Variants in TSPAN9 observed in about 807,000 individuals in gnomAD.
TSPAN9 encodes the protein tetraspanin 9.
A neutral mutation model predicts 31.0 loss-of-function variants in TSPAN9; 16 were observed. That is an observed-to-expected ratio of 0.52 (90% CI 0.35 to 0.78). The LOEUF is 0.78. Among genes scored for constraint, TSPAN9 ranks in the 30% least tolerant of loss-of-function variants. TSPAN9 has a pLI of 0.01. For synonymous variants in TSPAN9, 145 were observed against 121.6 expected (o/e 1.19, Z -1.27); for missense variants, 272 against 312.5 (o/e 0.87, Z 0.98).
chr12:3,174,122 T>TG (rs1254166875), intron 2 of TSPAN9: 3 of 152,390 alleles, frequency 2.0e-5, no homozygotes, highest in African/African-American at 7.2e-5. Flanking sequence ...TTGCCCAAGC[T>TG]GGAGTGCAGT....
At chr12:3,270,486 C>T (rs1257139933) in intron 3 of TSPAN9, among the ~76,000 whole-genome samples, 1 of 152,250 alleles carries the variant, frequency 6.6e-6, no homozygotes, top group Non-Finnish European at 1.5e-5. Flanking sequence ...TCTCCCTGCT[C>T]CCAGGGCTAT....
intron 3 of TSPAN9, among the ~76,000 whole-genome samples, chr12:3,236,291 A>G (rs924184447): frequency 6.6e-6 from 1 of 152,174 alleles, no homozygotes; most frequent in African/African-American, 2.4e-5. Context: ...CAATAATTTA[A>G]TGTTAATTAC....
chr12:3,218,394 A>G (rs182358822), intron 3 of TSPAN9, among the ~76,000 whole-genome samples: 1 of 151,930 alleles, frequency 6.6e-6, no homozygotes, highest in African/African-American at 2.4e-5. Flanking sequence ...TAGATTTGAA[A>G]CCTCTTACTG....
At chr12:3,154,944 C>A (rs1284020650) in intron 2 of TSPAN9, among the ~76,000 whole-genome samples, 3 of 152,170 alleles carry the variant, frequency 2.0e-5, no homozygotes, top group Non-Finnish European at 4.4e-5. Context: ...CATGATCTAG[C>A]TAGGACAGAG....
intron 4 of TSPAN9, 147 bp downstream of exon 4, chr12:3,278,759 A>G (rs1037856567): frequency 5.1e-6 from 6 of 1,169,292 alleles, no homozygotes; most frequent in African/African-American, 1.6e-5. Context: ...AGGCTTGACC[A>G]CACCCCTCCT....
At chr12:3,125,512 G>A (rs2098326951) in intron 2 of TSPAN9, among the ~76,000 whole-genome samples, 1 of 152,092 alleles carries the variant, frequency 6.6e-6, no homozygotes, top group Non-Finnish European at 1.5e-5. Flanking sequence ...TTAAAAAATA[G>A]GTACTGTTCT....
chr12:3,200,261 A>C (rs183329241), intron 2 of TSPAN9: 1 of 152,072 alleles, frequency 6.6e-6, no homozygotes, highest in East Asian at 1.9e-4. Context: ...CCTCGCGCCC[A>C]TTGGTCGAAT....
intron 3 of TSPAN9, among the ~76,000 whole-genome samples, chr12:3,259,619 G>A (rs543409289): frequency 6.6e-6 from 1 of 152,348 alleles, no homozygotes; most frequent in African/African-American, 2.4e-5. Flanking sequence ...AGGAAAACTT[G>A]AAGGATAAGC....
At chr12:3,113,719 G>C (rs987105780) in intron 2 of TSPAN9, among the ~76,000 whole-genome samples, 1 of 152,188 alleles carries the variant, frequency 6.6e-6, no homozygotes, top group African/African-American at 2.4e-5. Context: ...GCCAGTTCGA[G>C]AGTGCCAGCT....
intron 3 of TSPAN9, among the ~76,000 whole-genome samples, chr12:3,234,578 G>A (rs1185502645): frequency 6.6e-6 from 1 of 152,152 alleles, no homozygotes; most frequent in African/African-American, 2.4e-5. Context: ...TGTATTTCTG[G>A]GAGGCTGAGA....
chr12:3,233,015 A>G (rs1053570595), intron 3 of TSPAN9, among the ~76,000 whole-genome samples: 2 of 152,094 alleles, frequency 1.3e-5, no homozygotes, highest in African/African-American at 4.8e-5. Context: ...CATACTCTCT[A>G]TTCCTTCTCA....
intron 3 of TSPAN9, among the ~76,000 whole-genome samples, chr12:3,247,870 C>T (rs921877980): frequency 6.6e-6 from 1 of 152,200 alleles, no homozygotes; most frequent in African/African-American, 2.4e-5. Context: ...GCTCCCCCAC[C>T]ATCCTGCAGA....
At chr12:3,126,495 T>A (rs1591638960) in intron 2 of TSPAN9, among the ~76,000 whole-genome samples, 2 of 152,212 alleles carry the variant, frequency 1.3e-5, no homozygotes, top group South Asian at 4.1e-4. Flanking sequence ...TGTGTACCTT[T>A]ACCGCACCTT....
At chr12:3,078,261 C>G (rs534497098) in intron 1 of TSPAN9, among the ~76,000 whole-genome samples, 1 of 152,154 alleles carries the variant, frequency 6.6e-6, no homozygotes, top group Non-Finnish European at 1.5e-5. Flanking sequence ...CCTGCCTTAC[C>G]TGGTAACTCT....
intron 2 of TSPAN9, among the ~76,000 whole-genome samples, chr12:3,121,533 CTTTTTTTTTTT>C (rs59376087): frequency 3.2e-5 from 3 of 92,926 alleles, no homozygotes; most frequent in Non-Finnish European, 5.9e-5. Context: ...CTAATTAAAA[CTTTTTTTTTTT>C]TTTTTTTTTT....
intron 2 of TSPAN9, among the ~76,000 whole-genome samples, chr12:3,106,679 G>A (rs2098314858): frequency 1.3e-5 from 2 of 152,284 alleles, no homozygotes; most frequent in Non-Finnish European, 2.9e-5. Context: ...GTTGAGGTGG[G>A]GGGATCACCT....
intron 2 of TSPAN9, among the ~76,000 whole-genome samples, chr12:3,158,184 G>A (rs60924546): frequency 0.028 from 4,198 of 152,170 alleles, 187 homozygotes; most frequent in African/African-American, 0.096. Flanking sequence ...CCTGTGTCCC[G>A]GAGGAGCATC....
At chr12:3,112,328 C>A (rs867837714) in intron 2 of TSPAN9, among the ~76,000 whole-genome samples, 1 of 151,706 alleles carries the variant, frequency 6.6e-6, no homozygotes, top group Non-Finnish European at 1.5e-5. Context: ...AGGCATGCAC[C>A]ACCATGCCCG....
chr12:3,130,628 C>T (rs1056691383), intron 2 of TSPAN9, among the ~76,000 whole-genome samples: 1 of 152,090 alleles, frequency 6.6e-6, no homozygotes, highest in Non-Finnish European at 1.5e-5. Context: ...CGGGCAAGCT[C>T]CTGAACCTCT....
Sources: gnomAD v4.1 joint callset for allele counts (sites outside exome capture counted in the v4.1 genomes callset) on GRCh38, gnomAD v4.1.1 for gene constraint, MANE v1.5 for transcripts, NCBI Gene and HGNC (gene_info 2026-07-23, HGNC 2026-07-21) for gene names.